BRF1: variants seen among roughly 807,000 people sequenced by gnomAD.
The protein encoded by BRF1 is BRF1 general transcription factor IIIB subunit.
A neutral mutation model predicts 81.7 loss-of-function variants in BRF1; 59 were observed. The ratio of observed to expected loss-of-function variants is 0.72; its 90% CI spans 0.59 to 0.90. The LOEUF is 0.90. BRF1 is among the 40% of genes least tolerant of loss of function. The probability of loss-of-function intolerance (pLI) is 0.00; values close to 1 mark genes in which losing one functional copy is unlikely to be tolerated. For synonymous variants in BRF1, 491 were observed against 395.6 expected (o/e 1.24, Z -2.86); for missense variants, 1,050 against 936.3 (o/e 1.12, Z -1.58).
chr14:105,209,407 G>A lies in BRF1; in HGVS notation c.*1144C>T. On this transcript the variant is annotated 3_prime_UTR_variant, in exon 18 of 18. Coordinates refer to ENST00000547530, the MANE Select transcript of BRF1 (RefSeq NM_001519.4). ...CTCTGGGCGGGGGTAGGGGGGTCTG[G>A]CCTGCTGCGGGCCAAGTTGGGGCAG... The A allele has an allele frequency of 1.5e-6, 1 of 666,006 alleles. No homozygotes were observed. Among genetic ancestry groups the A allele is most frequent in the African/African-American group, 1.8e-5 (1 of 56,518 alleles). 41.3% of individuals were successfully genotyped at this position (666,006 alleles called of 1,614,324 possible).
chr14:105,250,406 C>T lies in BRF1; in HGVS notation c.544+2101G>A, dbSNP rs1595387425. Reference sequence around the variant, plus strand: ...TGAGCTCAAGCGGCTCGGGGTGGTTCTGGCTCAGAACTTGACCAAGTTCAT... The same window carrying T: ...TGAGCTCAAGCGGCTCGGGGTGGTTTTGGCTCAGAACTTGACCAAGTTCAT... On this transcript the variant is annotated intron_variant, in intron 5 of 17. Transcript: ENST00000547530. 11 of 1,613,892 alleles carry T rather than the reference C, an allele frequency of 6.8e-6. No homozygotes were observed. The East Asian group carries it at 1.1e-4, about 16-fold the overall frequency.
At chr14:105,268,527 T>A (rs925825743) in intron 3 of BRF1, among the ~76,000 whole-genome samples, 2 of 152,226 alleles carry the variant, frequency 1.3e-5, no homozygotes, top group Admixed American at 1.3e-4. Context: ...GGGGTGATAG[T>A]GGACACACCT....
chr14:105,256,580 G>T, intron 3 of BRF1, 31 bp from the exon 4 acceptor site: 1 of 1,609,430 alleles, frequency 6.2e-7, no homozygotes. Flanking sequence ...CCTGTCGAGT[G>T]GCTGCAAGCT....
chr14:105,254,525 G>C (rs1445772858), intron 4 of BRF1, among the ~76,000 whole-genome samples: 1 of 151,810 alleles, frequency 6.6e-6, no homozygotes, highest in Non-Finnish European at 1.5e-5. Context: ...CCAAAGTGCT[G>C]GGATTACAGG....
At chr14:105,274,110 G>A (rs1034128282) in intron 2 of BRF1, among the ~76,000 whole-genome samples, 4 of 152,216 alleles carry the variant, frequency 2.6e-5, no homozygotes, top group Admixed American at 1.3e-4. Context: ...TCTTTACTCC[G>A]CTGAGATGTT....
At chr14:105,261,704 T>C (rs1404959191) in intron 3 of BRF1, among the ~76,000 whole-genome samples, 1 of 152,198 alleles carries the variant, frequency 6.6e-6, no homozygotes, top group African/African-American at 2.4e-5. Context: ...CTCTTGTATA[T>C]AGAGCCCCAC....
intron 5 of BRF1, among the ~76,000 whole-genome samples, chr14:105,245,753 AT>A (rs1180963904): frequency 6.6e-6 from 1 of 152,150 alleles, no homozygotes; most frequent in Non-Finnish European, 1.5e-5. Context: ...CTTACCTTAC[AT>A]CATACACAAA....
chr14:105,288,395 T>C (rs1030390261), intron 1 of BRF1, among the ~76,000 whole-genome samples: 4 of 151,708 alleles, frequency 2.6e-5, no homozygotes, highest in African/African-American at 9.7e-5. Context: ...GAGGTTGCAG[T>C]GAGCAGAGAT....
chr14:105,263,502 G>A (rs1317959106), intron 3 of BRF1, among the ~76,000 whole-genome samples: 1 of 152,188 alleles, frequency 6.6e-6, no homozygotes, highest in Non-Finnish European at 1.5e-5. Context: ...CGAGCAGGAA[G>A]TTCTGCAGTC....
Position 105,226,123 on chromosome 14 carries a change from G to A in BRF1, c.994C>T (p.Leu332=), listed in dbSNP as rs1470485854. 6.2e-7 allele frequency: 1 copy of A among 1,613,822 alleles called. No individual in the cohort carries two copies. The highest frequency in any genetic ancestry group is 8.5e-7 in the Non-Finnish European group (1 of 1,180,042). The change falls in exon 10 of 18, where the codon CTA becomes TTA. Residue 332 remains leucine, a synonymous_variant. Transcript: ENST00000547530. ...SSYQDAIEIE[L]ENSRPKAKGG... is the part of the protein sequence containing the mutation. ...TTGGCCTTTGGCCGGCTGTTTTCTA[G>A]TTCAATCTCAATTGCATCCTGGTAA... is the stretch of plus-strand genomic sequence containing the variant.
At position 105,271,769 on chromosome 14, in the gene BRF1, C is replaced by T. The variant is rs928248867; in HGVS notation, c.439+952G>A. The stretch of plus-strand genomic sequence containing the variant: ...GGGCACAGGACCAGATGCACAGAGA[C>T]CAGTGCAAGAGAACACCAGACACTG... On this transcript the variant is annotated intron_variant, in intron 3 of 17. Transcript: ENST00000547530. The surrounding 1 kb of genome is among the most constrained non-coding windows in gnomAD (Gnocchi z 5.5). Among the ~76,000 whole-genome samples the T allele has an allele frequency of 6.6e-6, 1 of 152,230 alleles. No individual in the cohort carries two copies. Among genetic ancestry groups the T allele is most frequent in the African/African-American group, 2.4e-5 (1 of 41,466 alleles).
chr14:105,211,559 G>A (rs587719858), intron 16 of BRF1: 64 of 508,946 alleles, frequency 1.3e-4, no homozygotes, highest in East Asian at 1.2e-3. Context: ...CCCAGTGCTC[G>A]GGGAGCATGC....
intron 1 of BRF1, among the ~76,000 whole-genome samples, chr14:105,312,610 C>A (rs2058376067): frequency 6.6e-6 from 1 of 152,032 alleles, no homozygotes; most frequent in South Asian, 2.1e-4. Context: ...GCCTCCCAGC[C>A]TTCAGGGGAT....
In BRF1 at chr14:105,217,808, G is replaced by A. The variant is rs775528793; in HGVS notation, c.1516-8C>T. The A allele has an allele frequency of 9.3e-6, 15 of 1,608,168 alleles. No homozygotes were observed. ...CTTGCAAGACTTCTTGGGCTTGAGG[G>A]AAACAAGCAAGAATGCCTCCCGTGA... On this transcript the variant is annotated splice_region_variant and splice_polypyrimidine_tract_variant and intron_variant, in intron 14 of 17. Coordinates refer to ENST00000547530, the MANE Select transcript of BRF1 (RefSeq NM_001519.4).
chr14:105,229,699 GGA>G (rs1157675547), intron 6 of BRF1, among the ~76,000 whole-genome samples: 6 of 137,658 alleles, frequency 4.4e-5, no homozygotes, highest in Admixed American at 7.5e-5. Context: ...TAGCATCTCA[GGA>G]GAGAGAGGCC....
At position 105,270,893 on chromosome 14, in the gene BRF1, C is replaced by G. The variant is rs1050404417; in HGVS notation, c.439+1828G>C. Among the ~76,000 whole-genome samples, 6 of 152,202 alleles carry G rather than the reference C, an allele frequency of 3.9e-5. No homozygotes were observed. In the South Asian group the frequency reaches 1.2e-3, roughly 32 times the overall value. ...GCTACCAGCTCGTCATCTCCAGGAG[C>G]CCTCCCTGCACCCCACTCAAAAGAG... is the stretch of plus-strand genomic sequence containing the variant. On this transcript the variant is annotated intron_variant, in intron 3 of 17. Coordinates refer to ENST00000547530, the MANE Select transcript of BRF1 (RefSeq NM_001519.4).
rs587692528 is a variant in BRF1, at chr14:105,257,870, G to C, written c.440-1321C>G. 2.0e-5 allele frequency among the ~76,000 whole-genome samples: 3 copies of C among 152,286 alleles called. No homozygotes were observed. In the East Asian group the frequency reaches 5.8e-4, roughly 29 times the overall value. On this transcript the variant is annotated intron_variant, in intron 3 of 17. Coordinates refer to ENST00000547530, the MANE Select transcript of BRF1 (RefSeq NM_001519.4). ...ACTATGGAGACAGCATTAGGTCAGT[G>C]GCCACCAAGGGCTGGGGAAAGGCAG...
At chr14:105,262,742 A>G (rs908766557) in intron 3 of BRF1, among the ~76,000 whole-genome samples, 2 of 152,202 alleles carry the variant, frequency 1.3e-5, no homozygotes, top group African/African-American at 4.8e-5. Flanking sequence ...GCTTTCAAGC[A>G]CACACATGCA....
chr14:105,218,039 G>A (rs1409969376), intron 14 of BRF1, among the ~76,000 whole-genome samples: 2 of 152,166 alleles, frequency 1.3e-5, no homozygotes, highest in African/African-American at 4.8e-5. Context: ...TGCTGGCAGG[G>A]CCTCCAGACA....
Sources: allele counts gnomAD v4.1 joint callset (sites outside exome capture counted in the v4.1 genomes callset), GRCh38; gene constraint gnomAD v4.1.1; non-coding constraint Gnocchi (gnomAD v3.1); transcripts MANE v1.5; gene names NCBI Gene and HGNC (gene_info 2026-07-23, HGNC 2026-07-21).